Variants in CACNA2D3 observed in about 807,000 individuals in gnomAD.
CACNA2D3 encodes the protein calcium voltage-gated channel auxiliary subunit alpha2delta 3.
Under a neutral mutation model 160.6 loss-of-function variants are expected in CACNA2D3, and 60 were observed. That is an observed-to-expected ratio of 0.37 (90% CI 0.30 to 0.46). The LOEUF (loss-of-function observed/expected upper bound fraction) is 0.46. Ranked by LOEUF, CACNA2D3 falls within the 20% of genes least tolerant of loss-of-function variation. The pLI is 1.00. For synonymous variants in CACNA2D3, 558 were observed against 492.9 expected (o/e 1.13, Z -1.75); for missense variants, 1,205 against 1,365.0 (o/e 0.88, Z 1.85).
At chr3:54,577,605 T>C (rs1317982712) in intron 8 of CACNA2D3, among the ~76,000 whole-genome samples, 1 of 151,974 alleles carries the variant, frequency 6.6e-6, no homozygotes, top group Admixed American at 6.6e-5. Context: ...TTTCCCTTTA[T>C]GTAGCACACA....
intron 10 of CACNA2D3, among the ~76,000 whole-genome samples, 157 bp from the exon 11 acceptor site, chr3:54,641,971 T>G (rs982145156): frequency 4.6e-5 from 7 of 152,156 alleles, no homozygotes; most frequent in Non-Finnish European, 4.4e-5. Context: ...TGTGGTGATC[T>G]GTGTGGAAAG....
chr3:54,964,732 T>C (rs1363295567), intron 27 of CACNA2D3, among the ~76,000 whole-genome samples: 1 of 152,172 alleles, frequency 6.6e-6, no homozygotes, highest in Non-Finnish European at 1.5e-5. Context: ...GCAGGTGATA[T>C]TTGTTTTTCT....
chr3:55,064,938 T>C (rs1207530677), intron 35 of CACNA2D3, among the ~76,000 whole-genome samples: 1 of 152,194 alleles, frequency 6.6e-6, no homozygotes, highest in African/African-American at 2.4e-5. Flanking sequence ...GAACACTTCC[T>C]TCGTTCCAAC....
At chr3:54,223,859 A>AAC (rs1173126397) in intron 2 of CACNA2D3, among the ~76,000 whole-genome samples, 1 of 151,746 alleles carries the variant, frequency 6.6e-6, no homozygotes, top group Non-Finnish European at 1.5e-5. Flanking sequence ...CTCAAAAAAA[A>AAC]AAAAAAAAAA....
chr3:54,403,116 T>A (rs567147495), intron 4 of CACNA2D3, among the ~76,000 whole-genome samples: 14 of 152,046 alleles, frequency 9.2e-5, no homozygotes, highest in African/African-American at 2.9e-4. Flanking sequence ...ATCCCAGCAC[T>A]TTGGGAGATG....
intron 5 of CACNA2D3, among the ~76,000 whole-genome samples, chr3:54,548,220 A>T (rs1702096470): frequency 6.6e-6 from 1 of 152,224 alleles, no homozygotes; most frequent in Non-Finnish European, 1.5e-5. Flanking sequence ...CTGTGTGATT[A>T]CTTTAAGCTT....
intron 11 of CACNA2D3, among the ~76,000 whole-genome samples, chr3:54,693,052 A>G (rs149335712): frequency 9.2e-5 from 14 of 152,242 alleles, no homozygotes; most frequent in African/African-American, 3.4e-4. Flanking sequence ...CACCACCACC[A>G]ACAACAAAAA....
At chr3:54,195,699 C>T (rs11717167) in intron 2 of CACNA2D3, among the ~76,000 whole-genome samples, 16,898 of 152,074 alleles carry the variant, frequency 0.11, 1,118 homozygotes, top group South Asian at 0.26. Flanking sequence ...GGCAACATTT[C>T]TTTGGACTTT....
At chr3:54,508,198 G>A (rs6783107) in intron 5 of CACNA2D3, among the ~76,000 whole-genome samples, 131,684 of 152,154 alleles carry the variant, frequency 0.87, 58,890 homozygotes, top group Non-Finnish European at 0.98. Context: ...GCCTGGAAGG[G>A]CTGGCCAGGT....
At chr3:54,887,030 G>A (rs758147143) in intron 23 of CACNA2D3, among the ~76,000 whole-genome samples, 18 of 142,666 alleles carry the variant, frequency 1.3e-4, no homozygotes, top group Non-Finnish European at 2.2e-4. Context: ...AAAACTCTAG[G>A]ATGCCTCTCC....
chr3:54,915,873 A>G (rs963148212), intron 27 of CACNA2D3, among the ~76,000 whole-genome samples: 7 of 152,366 alleles, frequency 4.6e-5, no homozygotes, highest in Admixed American at 2.6e-4. Context: ...GACTGCCCAT[A>G]AAGCAGGAAG....
chr3:54,482,433 C>A (rs1156742449), intron 4 of CACNA2D3, among the ~76,000 whole-genome samples: 3 of 152,082 alleles, frequency 2.0e-5, no homozygotes, highest in Non-Finnish European at 4.4e-5. Context: ...AAGTAGAATG[C>A]CTTCATTACT....
At chr3:54,627,337 G>A (rs1365543741) in intron 9 of CACNA2D3, among the ~76,000 whole-genome samples, 3 of 152,178 alleles carry the variant, frequency 2.0e-5, no homozygotes, top group Non-Finnish European at 2.9e-5. Context: ...GCGGTGGGAA[G>A]AGGGTTATGC....
intron 4 of CACNA2D3, among the ~76,000 whole-genome samples, chr3:54,451,227 A>ATTTT (rs1559484336): frequency 1.1e-4 from 8 of 70,454 alleles, no homozygotes; most frequent in African/African-American, 1.8e-4. Context: ...TGATATAATA[A>ATTTT]TCTTTTTTTT....
intron 11 of CACNA2D3, among the ~76,000 whole-genome samples, chr3:54,651,159 A>G (rs1289728488): frequency 6.6e-6 from 1 of 152,192 alleles, no homozygotes; most frequent in South Asian, 2.1e-4. Context: ...CACTCTATAC[A>G]TTGTCATCGG....
chr3:54,432,648 T>C (rs895441278), intron 4 of CACNA2D3, among the ~76,000 whole-genome samples: 3 of 152,186 alleles, frequency 2.0e-5, no homozygotes, highest in Non-Finnish European at 4.4e-5. Context: ...ATTGAAACAC[T>C]ACAAACACAT....
chr3:54,404,278 A>G (rs1263123366), intron 4 of CACNA2D3, among the ~76,000 whole-genome samples: 1 of 152,154 alleles, frequency 6.6e-6, no homozygotes, highest in Non-Finnish European at 1.5e-5. Context: ...TCAAGAACAA[A>G]TCAAGAAGAT....
chr3:54,523,691 C>T (rs1168929131), intron 5 of CACNA2D3, among the ~76,000 whole-genome samples: 3 of 151,952 alleles, frequency 2.0e-5, no homozygotes, highest in African/African-American at 4.8e-5. Flanking sequence ...TCCCTTTACT[C>T]GTTGTTTTCA....
chr3:54,905,476 A>G (rs1285564404), intron 27 of CACNA2D3, among the ~76,000 whole-genome samples: 1 of 152,230 alleles, frequency 6.6e-6, no homozygotes, highest in Non-Finnish European at 1.5e-5. Flanking sequence ...CATATTTGGT[A>G]TGTAGGAGTT....
Sources: gnomAD v4.1 joint callset for allele counts (sites outside exome capture counted in the v4.1 genomes callset) on GRCh38, gnomAD v4.1.1 for gene constraint, MANE v1.5 for transcripts, NCBI Gene and HGNC (gene_info 2026-07-23, HGNC 2026-07-21) for gene names.